POLG2: variants seen among roughly 807,000 people sequenced by gnomAD.
POLG2 encodes the protein DNA polymerase subunit gamma-2.
In POLG2, 50 loss-of-function variants were observed where a neutral mutation model predicts 56.5. That is an observed-to-expected ratio of 0.88 (90% CI 0.71 to 1.12). POLG2 has a LOEUF of 1.12. Among genes scored for constraint, POLG2 ranks in the 50% most tolerant of loss-of-function variants. The probability of loss-of-function intolerance (pLI) is 0.00; values close to 1 mark genes in which losing one functional copy is unlikely to be tolerated. For missense variants in POLG2, 584 were observed against 583.3 expected (o/e 1.00, Z -0.01); for synonymous variants, 226 against 222.6 (o/e 1.02, Z -0.14).
At chr17:64,480,215 T>G in intron 7 of POLG2, 74 bp downstream of exon 7, 1 of 453,552 alleles carries the variant, frequency 2.2e-6, no homozygotes, top group South Asian at 3.5e-5. Context: ...TAGAAGAGAT[T>G]TGTTTCTGTA....
Position 64,496,773 on chromosome 17 carries a change from T to G in POLG2, c.196A>C (p.Ser66Arg), listed in dbSNP as rs1568093839. 1 of 1,613,910 alleles carries G rather than the reference T, an allele frequency of 6.2e-7. No individual in the cohort carries two copies. The highest frequency in any genetic ancestry group is 8.5e-7 in the Non-Finnish European group (1 of 1,179,992). ...HPEAPGSGEG[S>R]EALLEICQRR... ...TGACAGATCTCTAACAGCGCCTCGC[T>G]TCCCTCTCCAGACCCGGGGGCTTCT... The change falls in exon 1 of 8, where the codon AGC becomes CGC. Residue 66 changes from serine to arginine, a missense_variant. Transcript: ENST00000539111.
chr17:64,496,642 G>A lies in POLG2; in HGVS notation c.327C>T (p.Asn109=). 2 of 1,613,950 alleles carry A rather than the reference G, an allele frequency of 1.2e-6. No individual in the cohort carries two copies. Among genetic ancestry groups the A allele is most frequent in the Non-Finnish European group, 1.7e-6 (2 of 1,179,994 alleles). Residue 109 remains asparagine, a synonymous_variant, in exon 1 of 8, where the codon AAC becomes AAT. Transcript: ENST00000539111. ...FGPLGVELRK[N]LAAEWWTSVV... ...CCGAGGTCCACCATTCTGCGGCCAG[G>A]TTCTTCCGCAACTCTACGCCCAAGG...
chr17:64,481,519 T>A, intron 6 of POLG2: 1 of 513,634 alleles, frequency 1.9e-6, no homozygotes, highest in Non-Finnish European at 2.5e-6. Context: ...ATTAGAAAAA[T>A]CAAAATAAAA....
At chr17:64,494,653 G>C (rs1555669138) in intron 1 of POLG2, among the ~76,000 whole-genome samples, 1 of 151,934 alleles carries the variant, frequency 6.6e-6, no homozygotes, top group South Asian at 2.1e-4. Flanking sequence ...TAGTCAATGT[G>C]TTATGATCCA....
intron 1 of POLG2, among the ~76,000 whole-genome samples, chr17:64,493,358 A>G (rs1166199142): frequency 1.3e-5 from 2 of 152,142 alleles, no homozygotes; most frequent in African/African-American, 4.8e-5. Context: ...CCAAGGTTGC[A>G]GTGAGCTGGG....
At chr17:64,479,119 T>A (rs1555666038) in intron 7 of POLG2, among the ~76,000 whole-genome samples, 1 of 151,170 alleles carries the variant, frequency 6.6e-6, no homozygotes, top group South Asian at 2.1e-4. Flanking sequence ...ATTTTACACA[T>A]AATAAAACCA....
At chr17:64,481,791 C>G (rs1555666512) in intron 6 of POLG2, among the ~76,000 whole-genome samples, 2 of 152,018 alleles carry the variant, frequency 1.3e-5, no homozygotes, top group African/African-American at 4.8e-5. Flanking sequence ...AGGAGAATTG[C>G]TTGAACCTGG....
Position 64,496,748 on chromosome 17 carries a change from T to C in POLG2, c.221A>G (p.Gln74Arg), listed in dbSNP as rs782416621. 6.2e-7 allele frequency: 1 copy of C among 1,614,048 alleles called. No individual in the cohort carries two copies. The highest frequency in any genetic ancestry group is 8.5e-7 in the Non-Finnish European group (1 of 1,180,012). ...EGSEALLEIC[Q>R]RRHFLSGSKQ... Reference sequence around the variant, plus strand: ...GCTTCCACTTAGGAAATGCCTTCTCTGACAGATCTCTAACAGCGCCTCGCT... The same window carrying C: ...GCTTCCACTTAGGAAATGCCTTCTCCGACAGATCTCTAACAGCGCCTCGCT... Residue 74 changes from glutamine (Q) to arginine (R), a missense_variant, in exon 1 of 8, where the codon CAG (glutamine) becomes CGG (arginine). Transcript: ENST00000539111.
At chr17:64,479,204 G>GCCA (rs2037817463) in intron 7 of POLG2, among the ~76,000 whole-genome samples, 1 of 129,512 alleles carries the variant, frequency 7.7e-6, no homozygotes, top group African/African-American at 3.0e-5. Context: ...TTTTTTTTGA[G>GCCA]AAGGAGTCTC....
At chr17:64,485,623 A>G in intron 5 of POLG2, 105 bp downstream of exon 5, 1 of 957,600 alleles carries the variant, frequency 1.0e-6, no homozygotes, top group South Asian at 1.3e-5. Flanking sequence ...CATGCACTAA[A>G]TTTATTATTT....
Position 64,492,990 on chromosome 17 carries a change from A to G in POLG2, c.594T>C (p.Asp198=), listed in dbSNP as rs1472594828. ...CATAAGGTAGCCTCTTGTTTACCAG[A>G]TCCAGGCAATTAACATAGTGTTCCA... is the stretch of plus-strand genomic sequence containing the variant. ...GALEHYVNCL[D]LVNKRLPYGL... Residue 198 remains aspartate, a synonymous_variant, in exon 2 of 8, where the codon GAT becomes GAC. Coordinates refer to ENST00000539111, the MANE Select transcript of POLG2 (RefSeq NM_007215.4). The G allele has an allele frequency of 6.2e-7, 1 of 1,614,004 alleles. No homozygotes were observed. The highest frequency in any genetic ancestry group is 1.3e-5 in the African/African-American group (1 of 74,936).
At chr17:64,478,763 G>C (rs1555665972) in intron 7 of POLG2, among the ~76,000 whole-genome samples, 1 of 151,982 alleles carries the variant, frequency 6.6e-6, no homozygotes, top group South Asian at 2.1e-4. Context: ...TGGGCGTGGT[G>C]GCAGGCGCAT....
chr17:64,495,177 C>CAAAAAAAA (rs782184151), intron 1 of POLG2, among the ~76,000 whole-genome samples: 75 of 119,218 alleles, frequency 6.3e-4, no homozygotes, highest in African/African-American at 1.9e-3. Flanking sequence ...GACTCTGTCT[C>CAAAAAAAA]AAAAAAAAAA....
rs782083799 is a variant in POLG2, at chr17:64,485,820, C to T, written c.1018G>A (p.Gly340Arg). Residue 340 changes from glycine to arginine, a missense_variant, in exon 5 of 8, where the codon GGG (glycine) becomes AGG (arginine). Gly to Arg is a moderately radical substitution (Grantham distance 125). Coordinates refer to ENST00000539111, the MANE Select transcript of POLG2 (RefSeq NM_007215.4). Reference sequence around the variant, plus strand: ...GCCAGCATGCCTCGGTCTAGGTCCCCATTTACAGAGAGAACACAAGGAACC... The same window carrying T: ...GCCAGCATGCCTCGGTCTAGGTCCCTATTTACAGAGAGAACACAAGGAACC... ...NVVPCVLSVN[G>R]DLDRGMLAYL... The T allele has an allele frequency of 1.9e-6, 3 of 1,613,580 alleles. No individual in the cohort carries two copies. Among genetic ancestry groups the T allele is most frequent in the Non-Finnish European group, 1.7e-6 (2 of 1,179,460 alleles).
chr17:64,481,369 A>C (rs1598120135), intron 6 of POLG2: 2 of 985,136 alleles, frequency 2.0e-6, no homozygotes, highest in Non-Finnish European at 2.4e-6. Flanking sequence ...AAAGTCTTTA[A>C]ATCTTTTTAG....
intron 4 of POLG2, among the ~76,000 whole-genome samples, chr17:64,489,220 T>G (rs1326314977): frequency 1.3e-5 from 2 of 150,648 alleles, no homozygotes; most frequent in South Asian, 2.1e-4. Flanking sequence ...TCAAAATAAA[T>G]AATGACAGTA....
chr17:64,489,720 G>C (rs1259959498), intron 4 of POLG2, among the ~76,000 whole-genome samples: 2 of 151,628 alleles, frequency 1.3e-5, no homozygotes, highest in Non-Finnish European at 1.5e-5. Context: ...CCATACCACT[G>C]TGTTTCAGCC....
At chr17:64,486,302 C>T (rs1555667459) in intron 4 of POLG2, among the ~76,000 whole-genome samples, 1 of 151,974 alleles carries the variant, frequency 6.6e-6, no homozygotes, top group African/African-American at 2.4e-5. Context: ...TTTTCAATAG[C>T]CCTACAGACT....
rs782366432 is a variant in POLG2, at chr17:64,497,009, C to G, written c.-41G>C. On this transcript the variant is annotated 5_prime_UTR_variant, in exon 1 of 8. Transcript: ENST00000539111. ...AAGAGCACACTCTCCCATCACTCAA[C>G]GGATCCCAACAAGCCACCACTACCG... 5 of 1,560,244 alleles carry G rather than the reference C, an allele frequency of 3.2e-6. No homozygotes were observed. Among genetic ancestry groups the G allele is most frequent in the Non-Finnish European group, 4.4e-6 (5 of 1,143,848 alleles).
Sources: gnomAD v4.1 joint callset for allele counts (sites outside exome capture counted in the v4.1 genomes callset) on GRCh38, gnomAD v4.1.1 for gene constraint, MANE v1.5 for transcripts, NCBI Gene and HGNC (gene_info 2026-07-23, HGNC 2026-07-21) for gene names.